TCERG1L: variants seen among roughly 807,000 people sequenced by gnomAD.
The protein encoded by TCERG1L is transcription elongation regulator 1 like, also known as transcription elongation regulator 1-like protein.
Under a neutral mutation model 56.3 loss-of-function variants are expected in TCERG1L, and 37 were observed. That is an observed-to-expected ratio of 0.66 (90% CI 0.51 to 0.87). The LOEUF (loss-of-function observed/expected upper bound fraction) is 0.87, where lower values mean the gene tolerates loss of function less well. Ranked by LOEUF, TCERG1L falls within the 40% of genes least tolerant of loss-of-function variation. TCERG1L has a pLI of 0.00. For synonymous variants in TCERG1L, 324 were observed against 326.3 expected (o/e 0.99, Z 0.08); for missense variants, 799 against 774.2 (o/e 1.03, Z -0.38).
chr10:131,148,764 G>A (rs940037401), intron 6 of TCERG1L, among the ~76,000 whole-genome samples: 1 of 152,224 alleles, frequency 6.6e-6, no homozygotes, highest in Admixed American at 6.5e-5. Flanking sequence ...GCTCCAGAAG[G>A]ATCCAGCCCT....
intron 4 of TCERG1L, among the ~76,000 whole-genome samples, chr10:131,237,784 A>G (rs1172276503): frequency 6.6e-6 from 1 of 152,094 alleles, no homozygotes; most frequent in Non-Finnish European, 1.5e-5. Context: ...TCTCTCCTAA[A>G]TATTTCCCTG....
intron 4 of TCERG1L, among the ~76,000 whole-genome samples, chr10:131,232,651 T>G (rs1845864987): frequency 6.6e-6 from 1 of 152,258 alleles, no homozygotes; most frequent in Non-Finnish European, 1.5e-5. Flanking sequence ...AAGTGAAGTT[T>G]TCACGTTCCA....
At chr10:131,288,221 A>G (rs999713730) in intron 3 of TCERG1L, among the ~76,000 whole-genome samples, 19 of 151,812 alleles carry the variant, frequency 1.3e-4, no homozygotes, top group African/African-American at 3.4e-4. Flanking sequence ...TCTCCCCCCA[A>G]CTCTCTAAGG....
At chr10:131,210,143 GTCA>G (rs1195574527) in intron 4 of TCERG1L, among the ~76,000 whole-genome samples, 3 of 152,224 alleles carry the variant, frequency 2.0e-5, no homozygotes, top group Non-Finnish European at 4.4e-5. Flanking sequence ...CCAGCATTTT[GTCA>G]TCATCTCTCC....
chr10:131,202,426 AC>A, intron 4 of TCERG1L, among the ~76,000 whole-genome samples: 1 of 152,164 alleles, frequency 6.6e-6, no homozygotes, highest in Non-Finnish European at 1.5e-5. Flanking sequence ...CACTAAAAAT[AC>A]AAAAATGAGC....
At chr10:131,107,095 G>C (rs1845359635) in intron 9 of TCERG1L, among the ~76,000 whole-genome samples, 2 of 151,732 alleles carry the variant, frequency 1.3e-5, no homozygotes, top group Admixed American at 6.6e-5. Context: ...ACTCTGGGAG[G>C]GTCTCCAAGC....
chr10:131,216,719 A>G (rs1222341600), intron 4 of TCERG1L, among the ~76,000 whole-genome samples: 1 of 152,214 alleles, frequency 6.6e-6, no homozygotes, highest in Non-Finnish European at 1.5e-5. Flanking sequence ...CACTGACTAC[A>G]GTGGGCAAAT....
intron 3 of TCERG1L, among the ~76,000 whole-genome samples, chr10:131,293,331 A>G (rs1364749674): frequency 6.6e-6 from 1 of 152,086 alleles, no homozygotes; most frequent in Non-Finnish European, 1.5e-5. Context: ...GTGCTATTTG[A>G]CTGTGACAGT....
In TCERG1L at chr10:131,260,295, G is replaced by A. The variant is rs769184891; in HGVS notation, c.820C>T (p.Pro274Ser). 3.5e-6 allele frequency: 5 copies of A among 1,434,396 alleles called. No homozygotes were observed. Among genetic ancestry groups the A allele is most frequent in the Non-Finnish European group, 4.6e-6 (5 of 1,093,934 alleles). The allele number at this position is 1,434,396 out of a possible 1,614,324, so 88.9% of individuals were successfully genotyped here. A position where few individuals can be genotyped will look rare whatever the true frequency, so the allele number is the denominator to read the frequency against. The change falls in exon 4 of 12, where the codon CCC becomes TCC. Residue 274 changes from proline to serine, a missense_variant. Physicochemically the swap from Pro to Ser is moderately conservative, Grantham distance 74. Coordinates refer to ENST00000368642, the MANE Select transcript of TCERG1L (RefSeq NM_174937.4). This position sits in a 1 kb window ranked among gnomAD's most constrained non-coding sequence, Gnocchi z 5.8. ...VQPRHFLTLA[P>S]IKIPLRTSPV... ...GACGTCCGGAGGGGTATTTTGATGG[G>A]TGCCAAGGTCAGGAAGTGGCGCGGC... is the stretch of plus-strand genomic sequence containing the variant.
At chr10:131,189,143 A>G (rs1238753662) in intron 4 of TCERG1L, among the ~76,000 whole-genome samples, 1 of 152,220 alleles carries the variant, frequency 6.6e-6, no homozygotes, top group African/African-American at 2.4e-5. Context: ...AGATTGTTGT[A>G]AAAGAAAGTC....
chr10:131,184,839 G>A (rs1014838163), intron 4 of TCERG1L, among the ~76,000 whole-genome samples: 2 of 152,234 alleles, frequency 1.3e-5, no homozygotes, highest in Admixed American at 6.5e-5. Flanking sequence ...CAAAGGGACT[G>A]AGAAGGTCCT....
At chr10:131,263,547 T>A (rs1283952619) in intron 3 of TCERG1L, among the ~76,000 whole-genome samples, 1 of 152,212 alleles carries the variant, frequency 6.6e-6, no homozygotes, top group East Asian at 1.9e-4. Flanking sequence ...AGTCCCACTA[T>A]GAACCACAGC....
intron 3 of TCERG1L, among the ~76,000 whole-genome samples, chr10:131,272,869 G>A (rs1200922161): frequency 5.3e-5 from 8 of 152,188 alleles, no homozygotes; most frequent in Admixed American, 1.3e-4. Context: ...TCCTCACCCC[G>A]GTTTCTGCAT....
At chr10:131,253,114 G>GT (rs1427115856) in intron 4 of TCERG1L, among the ~76,000 whole-genome samples, 5 of 152,224 alleles carry the variant, frequency 3.3e-5, no homozygotes, top group African/African-American at 1.2e-4. Context: ...CTCTTGGCCT[G>GT]TGCCTGCCAG....
chr10:131,166,934 T>C, intron 4 of TCERG1L, 49 bp from the exon 5 acceptor site: 1 of 1,547,840 alleles, frequency 6.5e-7, no homozygotes, highest in Non-Finnish European at 8.8e-7. Flanking sequence ...TCACAGTAGT[T>C]TGGAAAACCT....
intron 4 of TCERG1L, among the ~76,000 whole-genome samples, chr10:131,235,760 A>C (rs1447556642): frequency 6.6e-6 from 1 of 152,236 alleles, no homozygotes; most frequent in African/African-American, 2.4e-5. Context: ...GAGATAAGCC[A>C]GGGGCCACCA....
intron 8 of TCERG1L, among the ~76,000 whole-genome samples, chr10:131,129,815 C>T (rs1589723291): frequency 6.6e-6 from 1 of 152,122 alleles, no homozygotes; most frequent in Admixed American, 6.6e-5. Context: ...CTCACAGTTG[C>T]GCATGGATCG....
At chr10:131,143,950 T>A (rs1392853567) in intron 7 of TCERG1L, among the ~76,000 whole-genome samples, 1 of 152,234 alleles carries the variant, frequency 6.6e-6, no homozygotes, top group African/African-American at 2.4e-5. Flanking sequence ...TCTTTCCTTA[T>A]CTGTGGAATG....
At chr10:131,181,483 A>G (rs796142574) in intron 4 of TCERG1L, among the ~76,000 whole-genome samples, 10 of 152,374 alleles carry the variant, frequency 6.6e-5, no homozygotes, top group African/African-American at 2.4e-4. Flanking sequence ...GAATGGGAAA[A>G]GTAATACCAT....
Sources: allele counts gnomAD v4.1 joint callset (sites outside exome capture counted in the v4.1 genomes callset), GRCh38; gene constraint gnomAD v4.1.1; non-coding constraint Gnocchi (gnomAD v3.1); transcripts MANE v1.5; gene names NCBI Gene and HGNC (gene_info 2026-07-23, HGNC 2026-07-21).